Variants in PLCL2 observed in about 807,000 individuals in gnomAD.
PLCL2 encodes inactive phospholipase C-like protein 2.
PLCL2 carries 4 observed loss-of-function variants against 79.6 expected under a neutral mutation model. The ratio of observed to expected loss-of-function variants is 0.05; its 90% confidence interval spans 0.02 to 0.11. The LOEUF (loss-of-function observed/expected upper bound fraction) is 0.11, where lower values mean the gene tolerates loss of function less well. PLCL2 is among the 10% of genes least tolerant of loss of function. The pLI, the probability that PLCL2 is intolerant of heterozygous loss-of-function variation, is 1.00. For synonymous variants in PLCL2, 484 were observed against 457.7 expected, an observed-to-expected ratio of 1.06 and a Z score of -0.73; for missense variants, 895 against 1,291.0, an observed-to-expected ratio of 0.69 and a Z score of 4.70.
intron 3 of PLCL2, among the ~76,000 whole-genome samples, chr3:17,034,326 C>T (rs1183082476): frequency 6.6e-6 from 1 of 152,144 alleles, no homozygotes; most frequent in African/African-American, 2.4e-5. Context: ...CTGGGATAGG[C>T]TCTGGCCACC....
chr3:17,014,503 G>T (rs1217070031), intron 2 of PLCL2, among the ~76,000 whole-genome samples: 1 of 152,140 alleles, frequency 6.6e-6, no homozygotes, highest in African/African-American at 2.4e-5. Flanking sequence ...TGATAAATTG[G>T]TGTTACAAAT....
Position 17,009,796 on chromosome 3 carries a change from A to C in PLCL2, c.450A>C (p.Lys150Asn), listed in dbSNP as rs2064300837. ...CAATGGTTGAGGGTTCAGAACTCAA[A>C]AAGGTTCGCTCCAACTCTAGAATTT... ...INSMVEGSELKKVRSNSRIYH... is the reference protein window; with the variant it reads ...INSMVEGSELNKVRSNSRIYH... The change falls in exon 2 of 6, where the codon AAA becomes AAC. Residue 150 changes from lysine (K) to asparagine (N), a missense_variant. Physicochemically the swap from Lys to Asn is moderately conservative, Grantham distance 94. This residue lies in a region of PLCL2 where 129 missense variants were observed against 208.8 expected (regional missense o/e 0.62). Transcript: ENST00000615277. The surrounding 1 kb of genome is among the most constrained non-coding windows in gnomAD (Gnocchi z 4.0). The C allele has an allele frequency of 6.2e-7, 1 of 1,613,916 alleles. No individual in the cohort carries two copies. The highest frequency in any genetic ancestry group is 8.5e-7 in the Non-Finnish European group (1 of 1,179,802).
At chr3:17,013,036 A>G (rs1411556649) in intron 2 of PLCL2, among the ~76,000 whole-genome samples, 2 of 152,246 alleles carry the variant, frequency 1.3e-5, no homozygotes, top group Non-Finnish European at 2.9e-5. Flanking sequence ...TTCTATGTGT[A>G]CTTCGTGAAT....
chr3:16,907,737 T>G (rs1386948230), intron 1 of PLCL2, among the ~76,000 whole-genome samples: 1 of 152,172 alleles, frequency 6.6e-6, no homozygotes, highest in Non-Finnish European at 1.5e-5. Flanking sequence ...CAGCTTTCAA[T>G]AATTATTAGC....
chr3:17,080,606 A>G (rs1212123369), intron 5 of PLCL2, among the ~76,000 whole-genome samples: 1 of 152,002 alleles, frequency 6.6e-6, no homozygotes, highest in African/African-American at 2.4e-5. Flanking sequence ...GCCCGCCACC[A>G]TGCCTGGCTA....
chr3:16,965,812 GCTCT>G (rs1197882134), intron 1 of PLCL2, among the ~76,000 whole-genome samples: 3 of 151,094 alleles, frequency 2.0e-5, no homozygotes, highest in Non-Finnish European at 4.4e-5. Context: ...TCATGATTTG[GCTCT>G]CTGTTTGTCT....
At chr3:16,930,008 G>T (rs979590591) in intron 1 of PLCL2, among the ~76,000 whole-genome samples, 1 of 152,114 alleles carries the variant, frequency 6.6e-6, no homozygotes, top group African/African-American at 2.4e-5. Context: ...TATCGTGGGA[G>T]GTGAGTTGCC....
intron 4 of PLCL2, among the ~76,000 whole-genome samples, chr3:17,059,450 G>GTAGATATATATACACT (rs1553649917): frequency 6.8e-6 from 1 of 147,146 alleles, no homozygotes; most frequent in African/African-American, 2.5e-5. Flanking sequence ...ATGTGTGTGT[G>GTAGATATATATACACT]TGTATATATA....
intron 5 of PLCL2, among the ~76,000 whole-genome samples, chr3:17,075,983 T>C (rs2065105374): frequency 6.6e-6 from 1 of 152,236 alleles, no homozygotes; most frequent in Non-Finnish European, 1.5e-5. Context: ...GCAATGAACA[T>C]TCACATATCA....
At chr3:16,888,848 G>A (rs1696281849) in intron 1 of PLCL2, among the ~76,000 whole-genome samples, 1 of 152,106 alleles carries the variant, frequency 6.6e-6, no homozygotes, top group Admixed American at 6.5e-5. Flanking sequence ...AAATACTTTG[G>A]TTGATACTTT....
chr3:16,925,911 C>T (rs1697237372), intron 1 of PLCL2, among the ~76,000 whole-genome samples: 1 of 152,022 alleles, frequency 6.6e-6, no homozygotes, highest in African/African-American at 2.4e-5. Flanking sequence ...TTGATGGGTT[C>T]TATGGTAACT....
In PLCL2 at chr3:17,019,201, G is replaced by A. The variant is rs557804698; in HGVS notation, c.3018+4290G>A. Among the ~76,000 whole-genome samples the A allele has an allele frequency of 1.5e-3, 228 of 152,282 alleles. 1 individual carries two copies. The highest frequency in any genetic ancestry group is 2.7e-3 in the Non-Finnish European group (184 of 68,020). ...GGCTATTGCAAGATGAGTTCGTAGGGTGAAACATGCTCACAGGTGAAATAT... is the reference window on the plus strand; with the variant it reads ...GGCTATTGCAAGATGAGTTCGTAGGATGAAACATGCTCACAGGTGAAATAT... On this transcript the variant is annotated intron_variant, in intron 3 of 5. Coordinates refer to ENST00000615277, the MANE Select transcript of PLCL2 (RefSeq NM_001144382.2).
At position 16,898,251 on chromosome 3, in the gene PLCL2, G is replaced by A. The variant is rs540639434; in HGVS notation, c.327+12885G>A. 7.4e-4 allele frequency among the ~76,000 whole-genome samples: 113 copies of A among 152,210 alleles called. 1 individual carries two copies. The highest frequency in any genetic ancestry group is 1.3e-3 in the Admixed American group (20 of 15,292). On this transcript the variant is annotated intron_variant, in intron 1 of 5. Coordinates refer to ENST00000615277, the MANE Select transcript of PLCL2 (RefSeq NM_001144382.2). ...AGTTTTATTTACGTATTCTAAATGG[G>A]AGGTGTAGTAGAAATGAACTTTAAT...
At chr3:17,033,618 C>A (rs1391374758) in intron 3 of PLCL2, among the ~76,000 whole-genome samples, 1 of 152,122 alleles carries the variant, frequency 6.6e-6, no homozygotes, top group East Asian at 1.9e-4. Context: ...CTCAAACATC[C>A]ACCATATTCT....
At position 17,008,509 on chromosome 3, in the gene PLCL2, A is replaced by T. The variant is rs202099795; in HGVS notation, c.328-1165A>T. Reference sequence around the variant, plus strand: ...CTCCGTCACATGGAGTGCTACCTTGATGTAAATTCCTGGGCACCAGCCCCA... The same window carrying T: ...CTCCGTCACATGGAGTGCTACCTTGTTGTAAATTCCTGGGCACCAGCCCCA... On this transcript the variant is annotated intron_variant, in intron 1 of 5. Coordinates refer to ENST00000615277, the MANE Select transcript of PLCL2 (RefSeq NM_001144382.2). Among the ~76,000 whole-genome samples, 48 of 152,164 alleles carry T rather than the reference A, an allele frequency of 3.2e-4. 1 individual carries two copies. In the East Asian group the frequency reaches 3.5e-3, roughly 11 times the overall value.
chr3:17,076,938 T>C (rs2065114578), intron 5 of PLCL2, among the ~76,000 whole-genome samples: 1 of 152,234 alleles, frequency 6.6e-6, no homozygotes, highest in African/African-American at 2.4e-5. Context: ...AAATTTGTCA[T>C]GTTTCTGTTC....
chr3:17,017,194 C>G (rs2064394854), intron 3 of PLCL2, among the ~76,000 whole-genome samples: 1 of 152,088 alleles, frequency 6.6e-6, no homozygotes, highest in Non-Finnish European at 1.5e-5. Context: ...TTATTTGCGT[C>G]TAACTGTATC....
At chr3:16,976,816 A>G (rs1005275819) in intron 1 of PLCL2, among the ~76,000 whole-genome samples, 2 of 152,188 alleles carry the variant, frequency 1.3e-5, no homozygotes, top group Non-Finnish European at 2.9e-5. Context: ...TGAGTCTTCC[A>G]TTGGCCCACA....
chr3:17,060,633 A>G (rs1304696210), intron 4 of PLCL2, among the ~76,000 whole-genome samples: 1 of 152,196 alleles, frequency 6.6e-6, no homozygotes, highest in East Asian at 1.9e-4. Context: ...TAAATTATAC[A>G]TATTCTTATA....
Sources: gnomAD v4.1 joint callset for allele counts (sites outside exome capture counted in the v4.1 genomes callset) on GRCh38, gnomAD v4.1.1 for gene constraint, gnomAD v4.1.1 regional missense constraint, Gnocchi (gnomAD v3.1) non-coding constraint, MANE v1.5 for transcripts, NCBI Gene and HGNC (gene_info 2026-07-23, HGNC 2026-07-21) for gene names.